Variants in PLEKHM3 observed in about 807,000 individuals in gnomAD.
PLEKHM3 encodes the protein pleckstrin homology domain containing M3.
A neutral mutation model predicts 81.8 loss-of-function variants in PLEKHM3; 45 were observed. That is an observed-to-expected ratio of 0.55 (90% CI 0.43 to 0.71). PLEKHM3 has a LOEUF of 0.71. Among genes scored for constraint, PLEKHM3 ranks in the 30% least tolerant of loss-of-function variants. The probability of loss-of-function intolerance (pLI) is 0.00; values close to 1 mark genes in which losing one functional copy is unlikely to be tolerated. For synonymous variants in PLEKHM3, 352 were observed against 356.4 expected (o/e 0.99, Z 0.14); for missense variants, 788 against 924.3 (o/e 0.85, Z 1.91).
chr2:207,861,132 T>C lies in PLEKHM3; in HGVS notation c.2081A>G (p.Tyr694Cys), dbSNP rs1263326355. Reference protein sequence around the residue: ...CEICNNGEILYPFEDISTSRC... With the variant: ...CEICNNGEILCPFEDISTSRC... ...GCTTGTTGAAATATCCTCAAAAGGGTAGAGGATCTCTCCATTGTTACAGAT... is the reference window on the plus strand; with the variant it reads ...GCTTGTTGAAATATCCTCAAAAGGGCAGAGGATCTCTCCATTGTTACAGAT... The change falls in exon 7 of 8, where the codon TAC (tyrosine) becomes TGC (cysteine). Residue 694 changes from tyrosine to cysteine, a missense_variant. Tyr to Cys is a radical substitution (Grantham distance 194, BLOSUM62 -2). Coordinates refer to ENST00000427836, the MANE Select transcript of PLEKHM3 (RefSeq NM_001080475.3). 1 of 1,613,976 alleles carries C rather than the reference T, an allele frequency of 6.2e-7. No homozygotes were observed. Among genetic ancestry groups the C allele is most frequent in the African/African-American group, 1.3e-5 (1 of 74,918 alleles).
At chr2:208,003,567 A>G (rs1042589666) in intron 1 of PLEKHM3, among the ~76,000 whole-genome samples, 1 of 152,218 alleles carries the variant, frequency 6.6e-6, no homozygotes, top group Non-Finnish European at 1.5e-5. Flanking sequence ...TTGCAAAGTG[A>G]TAATGATTAT....
At position 207,861,095 on chromosome 2, in the gene PLEKHM3, T is replaced by C. The variant is rs199543358; in HGVS notation, c.2108+10A>G. ...TTGGGTGTTCTTTTATGAAATAAGATATTCTGTACCTGCTTGTTGAAATAT... is the reference window on the plus strand; with the variant it reads ...TTGGGTGTTCTTTTATGAAATAAGACATTCTGTACCTGCTTGTTGAAATAT... On this transcript the variant is annotated intron_variant, in intron 7 of 7. Coordinates refer to ENST00000427836, the MANE Select transcript of PLEKHM3 (RefSeq NM_001080475.3). The C allele has an allele frequency of 1.2e-4, 200 of 1,609,268 alleles. 1 individual carries two copies. In the South Asian group the frequency reaches 2.0e-3, roughly 16 times the overall value.
chr2:207,999,508 A>G (rs1485390450), intron 2 of PLEKHM3, among the ~76,000 whole-genome samples: 1 of 152,134 alleles, frequency 6.6e-6, no homozygotes, highest in African/African-American at 2.4e-5. Context: ...TGAGAGGCTG[A>G]TGTGGGAGGA....
chr2:208,021,076 CA>C (rs1238568332), intron 1 of PLEKHM3, among the ~76,000 whole-genome samples: 1 of 152,160 alleles, frequency 6.6e-6, no homozygotes, highest in Admixed American at 6.5e-5. Context: ...AAGTCTTAAG[CA>C]AAGGCTATAT....
chr2:207,840,304 C>T (rs370599070), intron 7 of PLEKHM3, among the ~76,000 whole-genome samples: 2 of 152,218 alleles, frequency 1.3e-5, no homozygotes, highest in East Asian at 1.9e-4. Flanking sequence ...CCCACCTCAG[C>T]CTCCCAAGTA....
At chr2:207,865,801 A>AAAAAAAATATATATAT in intron 6 of PLEKHM3, among the ~76,000 whole-genome samples, 8 of 25,288 alleles carry the variant, frequency 3.2e-4, no homozygotes, top group African/African-American at 1.0e-3. Context: ...AAAAAAAAAA[A>AAAAAAAATATATATAT]AGATATATAT....
At chr2:207,901,691 C>G (rs146320175) in intron 6 of PLEKHM3, among the ~76,000 whole-genome samples, 37 of 152,338 alleles carry the variant, frequency 2.4e-4, no homozygotes, top group African/African-American at 8.9e-4. Context: ...CCTTCCTCCT[C>G]CCCAGCAAGA....
At chr2:208,008,990 T>C (rs59524824) in intron 1 of PLEKHM3, among the ~76,000 whole-genome samples, 8,165 of 152,322 alleles carry the variant, frequency 0.054, 694 homozygotes, top group African/African-American at 0.18. Flanking sequence ...CATTTCTACC[T>C]GGCTTACTAA....
chr2:207,907,929 G>C lies in PLEKHM3; in HGVS notation c.1950+585C>G, dbSNP rs551414644. On this transcript the variant is annotated intron_variant, in intron 6 of 7. Coordinates refer to ENST00000427836, the MANE Select transcript of PLEKHM3 (RefSeq NM_001080475.3). ...CTATTCTAAACATTTCATGTAAATA[G>C]AAGCATACAGTATGTATTCTTTTCT... is the stretch of plus-strand genomic sequence containing the variant. 3.3e-5 allele frequency among the ~76,000 whole-genome samples: 5 copies of C among 152,304 alleles called. No homozygotes were observed. In the East Asian group the frequency reaches 9.6e-4, roughly 29 times the overall value.
intron 7 of PLEKHM3, among the ~76,000 whole-genome samples, chr2:207,858,138 G>A (rs540268395): frequency 1.1e-4 from 6 of 54,836 alleles, no homozygotes; most frequent in Admixed American, 6.4e-4. Flanking sequence ...ATATAGATAT[G>A]TGTGTGTGTG....
Position 208,001,960 on chromosome 2 carries a change from G to A in PLEKHM3, c.-318-3C>T. The stretch of plus-strand genomic sequence containing the variant: ...ATGCCACGCCAATCCTTGATTTCCT[G>A]GAAGAAAATAAACAGGATAACATTG... On this transcript the variant is annotated splice_region_variant and splice_polypyrimidine_tract_variant and intron_variant, in intron 1 of 7. Coordinates refer to ENST00000427836, the MANE Select transcript of PLEKHM3 (RefSeq NM_001080475.3). The A allele has an allele frequency of 3.2e-6, 1 of 313,902 alleles. No homozygotes were observed. Among genetic ancestry groups the A allele is most frequent in the Non-Finnish European group, 5.9e-6 (1 of 168,316 alleles). 19.4% of individuals were successfully genotyped at this position (313,902 alleles called of 1,614,324 possible).
At chr2:208,000,886 T>A in intron 2 of PLEKHM3, 144 bp downstream of exon 2, 1 of 763,444 alleles carries the variant, frequency 1.3e-6, no homozygotes, top group Non-Finnish European at 2.0e-6. Context: ...AGCATAAGAT[T>A]CTCATGAGCC....
rs933689036 is a variant in PLEKHM3, at chr2:207,828,382, C to G, written c.2223G>C (p.Leu741=). Residue 741 remains leucine (L), a synonymous_variant, in exon 8 of 8, where the codon CTG becomes CTC. Coordinates refer to ENST00000427836, the MANE Select transcript of PLEKHM3 (RefSeq NM_001080475.3). ...QKKQKSFWQR[L]NMDESLEEAC... ...CCTCCTCTAGACTCTCGTCCATGTT[C>G]AGTCTCTGCCAGAAAGACTTCTGCT... 1 of 1,614,114 alleles carries G rather than the reference C, an allele frequency of 6.2e-7. No homozygotes were observed. Among genetic ancestry groups the G allele is most frequent in the Non-Finnish European group, 8.5e-7 (1 of 1,180,014 alleles).
intron 6 of PLEKHM3, among the ~76,000 whole-genome samples, chr2:207,898,872 G>C (rs1487253326): frequency 6.6e-6 from 1 of 152,032 alleles, no homozygotes; most frequent in Non-Finnish European, 1.5e-5. Flanking sequence ...CTCCAGCCTG[G>C]CCAGCAGAGT....
chr2:207,977,948 A>G (rs1691376925), intron 2 of PLEKHM3, among the ~76,000 whole-genome samples: 1 of 152,122 alleles, frequency 6.6e-6, no homozygotes, highest in African/African-American at 2.4e-5. Context: ...TTAGCTGGGC[A>G]TGGTGGCACA....
At chr2:208,016,347 T>C (rs1045316952) in intron 1 of PLEKHM3, among the ~76,000 whole-genome samples, 15 of 151,834 alleles carry the variant, frequency 9.9e-5, no homozygotes, top group Non-Finnish European at 1.5e-5. Flanking sequence ...TATAATCTAC[T>C]AAAAGATGAT....
At position 207,908,581 on chromosome 2, in the gene PLEKHM3, A is replaced by C; in HGVS notation, c.1887-4T>G. The C allele has an allele frequency of 6.2e-7, 1 of 1,608,888 alleles. No individual in the cohort carries two copies. The highest frequency in any genetic ancestry group is 8.5e-7 in the Non-Finnish European group (1 of 1,176,552). ...GAGGTATTCTCTGGGGAAAATTCTG[A>C]AAACAAGGGCAGATAGACAAGTGAA... On this transcript the variant is annotated splice_region_variant and splice_polypyrimidine_tract_variant and intron_variant, in intron 5 of 7. Coordinates refer to ENST00000427836, the MANE Select transcript of PLEKHM3 (RefSeq NM_001080475.3).
At chr2:207,917,580 C>T (rs993304965) in intron 5 of PLEKHM3, among the ~76,000 whole-genome samples, 4 of 152,100 alleles carry the variant, frequency 2.6e-5, no homozygotes, top group Non-Finnish European at 5.9e-5. Context: ...GGGTGGCTCA[C>T]GCTTGTAATC....
intron 7 of PLEKHM3, among the ~76,000 whole-genome samples, chr2:207,842,434 C>T (rs1213652593): frequency 6.6e-6 from 1 of 152,110 alleles, no homozygotes; most frequent in South Asian, 2.1e-4. Context: ...TGATTGTTTA[C>T]ATGTTTATAA....
Sources: gnomAD v4.1 joint callset for allele counts (sites outside exome capture counted in the v4.1 genomes callset) on GRCh38, gnomAD v4.1.1 for gene constraint, MANE v1.5 for transcripts, NCBI Gene and HGNC (gene_info 2026-07-23, HGNC 2026-07-21) for gene names.